Variants in VWA8 observed in about 807,000 individuals in gnomAD.
The protein encoded by VWA8 is von Willebrand factor A domain containing 8.
VWA8 carries 221 observed loss-of-function variants against 241.5 expected under a neutral mutation model. That is an observed-to-expected ratio of 0.91 (90% CI 0.82 to 1.02). The LOEUF is 1.02. Among genes scored for constraint, VWA8 ranks in the 50% least tolerant of loss-of-function variants. VWA8 has a pLI of 0.00. For synonymous variants in VWA8, 852 were observed against 827.1 expected, an observed-to-expected ratio of 1.03 and a Z score of -0.52; for missense variants, 2,322 against 2,328.7, an observed-to-expected ratio of 1.00 and a Z score of 0.06.
intron 19 of VWA8, among the ~76,000 whole-genome samples, chr13:41,778,955 C>T (rs550384972): frequency 3.6e-4 from 53 of 147,764 alleles, no homozygotes; most frequent in African/African-American, 1.3e-3. Context: ...CATTCTCTTG[C>T]CTCAGCCTCC....
intron 37 of VWA8, among the ~76,000 whole-genome samples, chr13:41,623,814 T>C (rs1029821504): frequency 1.3e-5 from 2 of 152,220 alleles, no homozygotes; most frequent in African/African-American, 2.4e-5. Context: ...ATACAGGCTA[T>C]GATAAGGTTC....
At chr13:41,848,643 T>C (rs1015263802) in intron 12 of VWA8, among the ~76,000 whole-genome samples, 2 of 152,174 alleles carry the variant, frequency 1.3e-5, no homozygotes, top group Non-Finnish European at 1.5e-5. Context: ...TCTGCCATGA[T>C]TGTAAGTTTT....
chr13:41,921,083 C>T (rs1876507038), intron 2 of VWA8, among the ~76,000 whole-genome samples: 1 of 152,170 alleles, frequency 6.6e-6, no homozygotes, highest in Non-Finnish European at 1.5e-5. Context: ...AAAAGCTTAT[C>T]CGCCATGATC....
In VWA8 at chr13:41,665,548, AT is replaced by A. The variant is rs2044980177; in HGVS notation, c.4611+5397del. Among the ~76,000 whole-genome samples the A allele has an allele frequency of 6.6e-5, 10 of 151,516 alleles. No individual in the cohort carries two copies. The South Asian group carries it at 1.9e-3, about 29-fold the overall frequency. Reference sequence around the variant, plus strand: ...ACATTTACATTTAAGTAAGTACTTAATGTAAGTAATTAAGTACATTAAGTAA... The same window carrying A: ...ACATTTACATTTAAGTAAGTACTTAAGTAAGTAATTAAGTACATTAAGTAA... On this transcript the variant is annotated intron_variant, in intron 37 of 44. Coordinates refer to ENST00000379310, the MANE Select transcript of VWA8 (RefSeq NM_015058.2).
intron 17 of VWA8, among the ~76,000 whole-genome samples, chr13:41,809,982 C>T (rs1012525818): frequency 2.6e-5 from 4 of 152,068 alleles, no homozygotes; most frequent in Admixed American, 6.5e-5. Flanking sequence ...AAATGGCACA[C>T]AGGTATATGA....
intron 4 of VWA8, among the ~76,000 whole-genome samples, chr13:41,898,902 C>T (rs1049595376): frequency 0.064 from 5 of 78 alleles, no homozygotes; most frequent in African/African-American, 0.083. Flanking sequence ...CACGCCCACC[C>T]GGAACTCCAA....
chr13:41,886,431 G>A (rs542676033), intron 7 of VWA8, among the ~76,000 whole-genome samples: 1 of 151,788 alleles, frequency 6.6e-6, no homozygotes, highest in Admixed American at 6.6e-5. Context: ...CGAATTTCTT[G>A]ATTCCACTCT....
At chr13:41,573,288 C>T (rs1017964475) in intron 43 of VWA8, among the ~76,000 whole-genome samples, 4 of 149,780 alleles carry the variant, frequency 2.7e-5, no homozygotes, top group Non-Finnish European at 4.4e-5. Context: ...CATGGTGGTG[C>T]GTGCCTGTGG....
At position 41,596,977 on chromosome 13, in the gene VWA8, CT is replaced by C. The variant is rs35336510; in HGVS notation, c.4987-6213del. ...TTATTTGGGTTATGATTAATCAAGACTTTTTTTTTACCTACAAACTCTATAA... is the reference window on the plus strand; with the variant it reads ...TTATTTGGGTTATGATTAATCAAGACTTTTTTTTACCTACAAACTCTATAA... On this transcript the variant is annotated intron_variant, in intron 40 of 44. Transcript: ENST00000379310. 7.7e-4 allele frequency among the ~76,000 whole-genome samples: 117 copies of C among 151,070 alleles called. 1 individual carries two copies. The highest frequency in any genetic ancestry group is 2.3e-3 in the African/African-American group (95 of 41,238).
chr13:41,623,183 A>G (rs2044668375), intron 37 of VWA8, among the ~76,000 whole-genome samples: 1 of 152,100 alleles, frequency 6.6e-6, no homozygotes, highest in African/African-American at 2.4e-5. Context: ...CAACACACAC[A>G]CATACACATA....
intron 26 of VWA8, among the ~76,000 whole-genome samples, chr13:41,715,885 A>T (rs1258500687): frequency 6.6e-6 from 1 of 152,006 alleles, no homozygotes; most frequent in African/African-American, 2.4e-5. Context: ...GAGTGTGGGG[A>T]TGATCATCTT....
intron 21 of VWA8, among the ~76,000 whole-genome samples, chr13:41,750,480 A>T (rs1593743922): frequency 1.6e-5 from 2 of 122,922 alleles, no homozygotes; most frequent in South Asian, 5.6e-4. Context: ...CAAAAAAAAA[A>T]GGAAAAAAAG....
intron 3 of VWA8, 34 bp downstream of exon 3, chr13:41,912,004 G>T: frequency 6.7e-7 from 1 of 1,501,244 alleles, no homozygotes; most frequent in Admixed American, 2.1e-5. Context: ...ACAAAGTTAA[G>T]ACCCTTAGAA....
At chr13:41,683,910 T>C (rs75611254) in intron 35 of VWA8, among the ~76,000 whole-genome samples, 2 of 152,152 alleles carry the variant, frequency 1.3e-5, no homozygotes, top group African/African-American at 4.8e-5. Flanking sequence ...TAAACTCTGG[T>C]ACATAACTTC....
chr13:41,917,991 C>T (rs1876337517), intron 2 of VWA8, among the ~76,000 whole-genome samples: 1 of 152,134 alleles, frequency 6.6e-6, no homozygotes, highest in African/African-American at 2.4e-5. Flanking sequence ...CCCTATTTAC[C>T]ATGTAACATT....
intron 26 of VWA8, among the ~76,000 whole-genome samples, chr13:41,704,463 C>CT (rs953332904): frequency 1.6e-3 from 15 of 9,196 alleles, no homozygotes; most frequent in East Asian, 7.4e-3. Flanking sequence ...TAAGTCTTCA[C>CT]TTTTTTTTTT....
At chr13:41,593,528 C>T (rs995617829) in intron 40 of VWA8, among the ~76,000 whole-genome samples, 13 of 152,318 alleles carry the variant, frequency 8.5e-5, no homozygotes, top group African/African-American at 2.9e-4. Context: ...CTTGACCACA[C>T]AGCACAGTCC....
In VWA8 at chr13:41,793,762, G is replaced by A. The variant is rs146763691; in HGVS notation, c.2064-6219C>T. ...ACCTGAGAGGTGGAGGTTGCAGTGAGCCGAGATCGTGCCACTGCACTGCAG... is the reference window on the plus strand; with the variant it reads ...ACCTGAGAGGTGGAGGTTGCAGTGAACCGAGATCGTGCCACTGCACTGCAG... On this transcript the variant is annotated intron_variant, in intron 17 of 44. Transcript: ENST00000379310. 5.3e-5 allele frequency among the ~76,000 whole-genome samples: 8 copies of A among 152,306 alleles called. No homozygotes were observed. In the East Asian group the frequency reaches 1.5e-3, roughly 29 times the overall value.
intron 37 of VWA8, among the ~76,000 whole-genome samples, chr13:41,645,501 A>G (rs960066238): frequency 2.6e-5 from 4 of 152,214 alleles, no homozygotes; most frequent in Admixed American, 2.6e-4. Flanking sequence ...GATGTTTCCT[A>G]ACTCACTCAG....
Sources: allele counts gnomAD v4.1 joint callset (sites outside exome capture counted in the v4.1 genomes callset), GRCh38; gene constraint gnomAD v4.1.1; transcripts MANE v1.5; gene names NCBI Gene and HGNC (gene_info 2026-07-23, HGNC 2026-07-21).